RTTN: variants seen among roughly 807,000 people sequenced by gnomAD.
RTTN encodes the protein rotatin.
In RTTN, 182 loss-of-function variants were observed where a neutral mutation model predicts 269.2. The ratio of observed to expected loss-of-function variants is 0.68; its 90% CI spans 0.60 to 0.76. RTTN has a LOEUF of 0.76. Ranked by LOEUF, RTTN falls within the 30% of genes least tolerant of loss-of-function variation. RTTN has a pLI of 0.00. For missense variants in RTTN, 2,545 were observed against 2,608.6 expected (o/e 0.98, Z 0.53); for synonymous variants, 1,006 against 963.5 (o/e 1.04, Z -0.82).
intron 30 of RTTN, among the ~76,000 whole-genome samples, chr18:70,089,944 A>G (rs903122284): frequency 6.6e-5 from 10 of 152,224 alleles, no homozygotes; most frequent in Non-Finnish European, 8.8e-5. Context: ...GATTTGAAAA[A>G]TTCTCAGCCT....
At chr18:70,132,768 A>G (rs1296763511) in intron 23 of RTTN, among the ~76,000 whole-genome samples, 2 of 152,104 alleles carry the variant, frequency 1.3e-5, no homozygotes, top group Admixed American at 6.6e-5. Flanking sequence ...GAAAATAATA[A>G]AAAGCAAAGA....
chr18:70,179,100 A>AT (rs2061364591), intron 10 of RTTN, among the ~76,000 whole-genome samples: 1 of 152,212 alleles, frequency 6.6e-6, no homozygotes, highest in South Asian at 2.1e-4. Context: ...TATTTCTCTG[A>AT]TCCCCAAGAA....
chr18:70,092,854 T>C (rs1200699436), intron 28 of RTTN, 50 bp from the exon 29 acceptor site: 4 of 1,522,044 alleles, frequency 2.6e-6, no homozygotes, highest in South Asian at 1.2e-5. Flanking sequence ...CTCAATGGTA[T>C]ATAAAGATAA....
intron 40 of RTTN, among the ~76,000 whole-genome samples, chr18:70,045,590 AT>A (rs2057468048): frequency 6.6e-6 from 1 of 152,296 alleles, no homozygotes. Flanking sequence ...CACATATCCT[AT>A]TTCTATAAGG....
chr18:70,110,662 TTC>T (rs2059440546), intron 27 of RTTN, among the ~76,000 whole-genome samples: 1 of 152,196 alleles, frequency 6.6e-6, no homozygotes, highest in Admixed American at 6.5e-5. Flanking sequence ...GCTGCAGTAG[TTC>T]TTTTTTCCCA....
chr18:70,159,958 G>GA (rs1245512465), intron 14 of RTTN, among the ~76,000 whole-genome samples: 3 of 151,668 alleles, frequency 2.0e-5, no homozygotes, highest in Non-Finnish European at 4.4e-5. Flanking sequence ...CTACCAACCA[G>GA]AAAAAAACAC....
chr18:70,147,601 G>A (rs1176186881), intron 17 of RTTN, among the ~76,000 whole-genome samples: 4 of 152,134 alleles, frequency 2.6e-5, no homozygotes, highest in African/African-American at 4.8e-5. Flanking sequence ...AACGGACAGG[G>A]TTCCTGTCTA....
chr18:70,087,827 G>A (rs1296175699), intron 31 of RTTN, among the ~76,000 whole-genome samples, 162 bp downstream of exon 31: 1 of 152,148 alleles, frequency 6.6e-6, no homozygotes, highest in African/African-American at 2.4e-5. Context: ...TCCTGTGCAT[G>A]AATACCTTTT....
At chr18:70,175,145 TA>T (rs2061259635) in intron 11 of RTTN, among the ~76,000 whole-genome samples, 1 of 151,338 alleles carries the variant, frequency 6.6e-6, no homozygotes, top group Non-Finnish European at 1.5e-5. Context: ...CTTGAAATTA[TA>T]AATGAATTTT....
chr18:70,086,440 G>A (rs2058699442), intron 32 of RTTN, among the ~76,000 whole-genome samples, 173 bp downstream of exon 32: 1 of 151,996 alleles, frequency 6.6e-6, no homozygotes, highest in African/African-American at 2.4e-5. Flanking sequence ...ACACTATAGA[G>A]AAGAATTTTT....
At chr18:70,033,242 T>G (rs770481385) in intron 40 of RTTN, among the ~76,000 whole-genome samples, 9 of 152,196 alleles carry the variant, frequency 5.9e-5, no homozygotes, top group Non-Finnish European at 1.2e-4. Flanking sequence ...AGAAGCTGAG[T>G]AGATGCCAGC....
intron 27 of RTTN, among the ~76,000 whole-genome samples, chr18:70,112,418 A>C (rs1384652179): frequency 6.6e-6 from 1 of 151,150 alleles, no homozygotes; most frequent in Non-Finnish European, 1.5e-5. Context: ...CCCATCTCAC[A>C]TGCAAAAAAC....
chr18:70,139,968 AAATG>A (rs1484277478), intron 20 of RTTN, 128 bp downstream of exon 20: 1 of 703,874 alleles, frequency 1.4e-6, no homozygotes, highest in Non-Finnish European at 2.4e-6. Flanking sequence ...TAAAAAAAAA[AAATG>A]AATGAGATAG....
intron 28 of RTTN, among the ~76,000 whole-genome samples, chr18:70,105,937 G>A (rs2059309632): frequency 6.6e-6 from 1 of 152,034 alleles, no homozygotes; most frequent in Admixed American, 6.5e-5. Context: ...TTAATTAACT[G>A]ATTCACTAAC....
intron 10 of RTTN, among the ~76,000 whole-genome samples, chr18:70,179,526 G>A (rs959801717): frequency 1.2e-4 from 19 of 152,046 alleles, no homozygotes; most frequent in African/African-American, 4.6e-4. Context: ...AAAAACAATA[G>A]TAACTGGCCC....
chr18:70,029,295 G>A (rs1045138215), intron 42 of RTTN, among the ~76,000 whole-genome samples: 9 of 152,068 alleles, frequency 5.9e-5, no homozygotes, highest in African/African-American at 2.2e-4. Flanking sequence ...TGCTATAACG[G>A]CCTTACCTAC....
rs947413817 is a variant in RTTN at position 70,003,414 on chromosome 18, C to G, written c.*737G>C. 2 of 152,172 alleles carry G rather than the reference C, an allele frequency of 1.3e-5. No individual in the cohort carries two copies. Among genetic ancestry groups the G allele is most frequent in the Non-Finnish European group, 2.9e-5 (2 of 68,050 alleles). 9.4% of individuals were successfully genotyped at this position (152,172 alleles called of 1,614,324 possible). ...AGCTAAATTTGAACCCAGGCTTATACAGCCCCAACTCTATTTCTTTCTTCT... is the reference window on the plus strand; with the variant it reads ...AGCTAAATTTGAACCCAGGCTTATAGAGCCCCAACTCTATTTCTTTCTTCT... On this transcript the variant is annotated 3_prime_UTR_variant, in exon 49 of 49. Coordinates refer to ENST00000640769, the MANE Select transcript of RTTN (RefSeq NM_173630.4).
At chr18:70,193,239 C>A (rs766422579) in intron 8 of RTTN, 49 bp downstream of exon 8, 2 of 1,430,562 alleles carry the variant, frequency 1.4e-6, no homozygotes, top group South Asian at 1.3e-5. Flanking sequence ...AACACACACA[C>A]AAGTTAACCG....
At position 70,065,849 on chromosome 18, in the gene RTTN, TG is replaced by T; in HGVS notation, c.4726del (p.His1576MetfsTer50). 6.2e-7 allele frequency: 1 copy of T among 1,601,812 alleles called. No homozygotes were observed. The highest frequency in any genetic ancestry group is 8.5e-7 in the Non-Finnish European group (1 of 1,173,278). On this transcript the variant is annotated frameshift_variant, in exon 35 of 49. Coordinates refer to ENST00000640769, the MANE Select transcript of RTTN (RefSeq NM_173630.4). LOFTEE classifies it high-confidence loss of function. Reference sequence around the variant, plus strand: ...GATACCTTGAGCCACAAACTGGTCATGGGAGGCTTCAGGTAGAAGTGTTGTT... The same window carrying T: ...GATACCTTGAGCCACAAACTGGTCATGGAGGCTTCAGGTAGAAGTGTTGTT... ...QSTTLLPEAS[H>X]DQFVAQGHQE... is the part of the protein sequence containing the mutation.
Sources: allele counts gnomAD v4.1 joint callset (sites outside exome capture counted in the v4.1 genomes callset), GRCh38; gene constraint gnomAD v4.1.1; transcripts MANE v1.5; gene names NCBI Gene and HGNC (gene_info 2026-07-23, HGNC 2026-07-21).